The following MAGI2 variants were observed in gnomAD, a reference collection of about 807,000 sequenced individuals.
The protein encoded by MAGI2 is membrane-associated guanylate kinase, WW and PDZ domain-containing protein 2.
In MAGI2, 35 loss-of-function variants were observed where a neutral mutation model predicts 133.3. The ratio of observed to expected loss-of-function variants is 0.26; its 90% CI spans 0.20 to 0.35. MAGI2 has a LOEUF of 0.35. Among genes scored for constraint, MAGI2 ranks in the 10% least tolerant of loss-of-function variants. The probability of loss-of-function intolerance (pLI) is 1.00; values close to 1 mark genes in which losing one functional copy is unlikely to be tolerated. For synonymous variants in MAGI2, 729 were observed against 710.6 expected, an observed-to-expected ratio of 1.03 and a Z score of -0.41; for missense variants, 1,636 against 1,863.4, an observed-to-expected ratio of 0.88 and a Z score of 2.25.
chr7:78,441,409 A>G (rs766231706), intron 6 of MAGI2, among the ~76,000 whole-genome samples: 3 of 152,220 alleles, frequency 2.0e-5, no homozygotes, highest in Non-Finnish European at 4.4e-5. Flanking sequence ...AATTATTAAA[A>G]ACTTTCAATT....
intron 9 of MAGI2, among the ~76,000 whole-genome samples, chr7:78,328,524 CACACA>C (rs1788821912): frequency 9.2e-6 from 1 of 109,176 alleles, no homozygotes; most frequent in Non-Finnish European, 2.1e-5. Context: ...CACACACACA[CACACA>C]CCCCTCTCTC....
intron 5 of MAGI2, among the ~76,000 whole-genome samples, chr7:78,497,766 T>TCTA (rs1385517709): frequency 0.097 from 13,113 of 135,268 alleles, 1,053 homozygotes; most frequent in African/African-American, 0.22. Flanking sequence ...CTATCTATCT[T>TCTA]TCTATCTTAT....
intron 21 of MAGI2, chr7:78,039,603 C>T (rs2471573): frequency 0.59 from 89,359 of 152,094 alleles, 27,472 homozygotes; most frequent in African/African-American, 0.78. Flanking sequence ...TTTCCTTTAC[C>T]CTGAGCAGGT....
intron 1 of MAGI2, among the ~76,000 whole-genome samples, chr7:79,138,459 T>C (rs945788703): frequency 2.6e-5 from 4 of 152,222 alleles, no homozygotes; most frequent in African/African-American, 9.6e-5. Context: ...ATTTATCATG[T>C]ATGAATACAA....
At chr7:78,394,692 C>G (rs911196418) in intron 6 of MAGI2, among the ~76,000 whole-genome samples, 2 of 152,196 alleles carry the variant, frequency 1.3e-5, no homozygotes, top group Non-Finnish European at 2.9e-5. Flanking sequence ...ACTTACAGGG[C>G]AACGGTTAAT....
At chr7:79,341,421 A>T (rs954485199) in intron 1 of MAGI2, among the ~76,000 whole-genome samples, 2 of 152,084 alleles carry the variant, frequency 1.3e-5, no homozygotes, top group Non-Finnish European at 1.5e-5. Flanking sequence ...CAGCACCCTT[A>T]AGCAAGAGGT....
chr7:78,834,227 CT>C (rs2151448771), intron 2 of MAGI2, among the ~76,000 whole-genome samples: 1 of 152,228 alleles, frequency 6.6e-6, no homozygotes, highest in Admixed American at 6.5e-5. Context: ...AAAATTTACC[CT>C]TTTAAAGTGT....
At chr7:78,213,135 T>C (rs957638409) in intron 10 of MAGI2, among the ~76,000 whole-genome samples, 1 of 151,922 alleles carries the variant, frequency 6.6e-6, no homozygotes, top group Admixed American at 6.6e-5. Flanking sequence ...TAAGTGTTAA[T>C]TTGTTTTCAT....
intron 1 of MAGI2, among the ~76,000 whole-genome samples, chr7:79,040,394 G>T (rs1584764535): frequency 6.6e-6 from 1 of 152,062 alleles, no homozygotes; most frequent in East Asian, 1.9e-4. Context: ...TAGGAAAATG[G>T]ACTAATACAT....
At chr7:78,889,242 T>G (rs1303317658) in intron 2 of MAGI2, among the ~76,000 whole-genome samples, 4 of 152,136 alleles carry the variant, frequency 2.6e-5, no homozygotes, top group Non-Finnish European at 5.9e-5. Flanking sequence ...GAAGACCAAA[T>G]CTACGTCTGA....
intron 1 of MAGI2, among the ~76,000 whole-genome samples, chr7:79,077,594 A>AAAAAAAAAAAAG (rs1815634530): frequency 3.7e-5 from 2 of 53,604 alleles, no homozygotes; most frequent in Admixed American, 2.0e-4. Context: ...AAAAAAAAAA[A>AAAAAAAAAAAAG]ATAAATAAAT....
At chr7:79,007,488 G>C (rs1171201205) in intron 1 of MAGI2, among the ~76,000 whole-genome samples, 1 of 151,912 alleles carries the variant, frequency 6.6e-6, no homozygotes, top group Non-Finnish European at 1.5e-5. Context: ...TGTTACTCTT[G>C]AATCATACTG....
At chr7:79,138,745 C>T (rs1468722175) in intron 1 of MAGI2, among the ~76,000 whole-genome samples, 2 of 152,054 alleles carry the variant, frequency 1.3e-5, no homozygotes, top group Non-Finnish European at 2.9e-5. Flanking sequence ...GTGGCTCAAG[C>T]CACCTAACCC....
chr7:78,080,501 G>A (rs368989647), intron 20 of MAGI2, among the ~76,000 whole-genome samples: 19 of 152,286 alleles, frequency 1.2e-4, no homozygotes, highest in African/African-American at 4.1e-4. Flanking sequence ...TAAGCCAGAG[G>A]CAGAAATGGG....
chr7:78,879,966 A>G (rs553328469), intron 2 of MAGI2, among the ~76,000 whole-genome samples: 1 of 152,140 alleles, frequency 6.6e-6, no homozygotes, highest in South Asian at 2.1e-4. Flanking sequence ...AAGCAGAAGA[A>G]AGATTTTCAG....
chr7:78,798,846 A>G (rs1425586917), intron 2 of MAGI2, among the ~76,000 whole-genome samples: 1 of 152,204 alleles, frequency 6.6e-6, no homozygotes, highest in African/African-American at 2.4e-5. Context: ...TACAGTTTGT[A>G]CAAAATCCTC....
intron 2 of MAGI2, among the ~76,000 whole-genome samples, chr7:78,848,648 A>T (rs972605438): frequency 3.3e-5 from 5 of 151,902 alleles, no homozygotes; most frequent in South Asian, 4.2e-4. Flanking sequence ...ATTCAATAAC[A>T]TGTATTTCTC....
chr7:78,895,727 G>T (rs1797163056), intron 2 of MAGI2, among the ~76,000 whole-genome samples: 1 of 152,172 alleles, frequency 6.6e-6, no homozygotes, highest in Non-Finnish European at 1.5e-5. Context: ...TATTCAAAAG[G>T]TTGAGAGAGC....
intron 1 of MAGI2, among the ~76,000 whole-genome samples, chr7:79,019,590 A>T (rs1809083648): frequency 6.6e-6 from 1 of 151,448 alleles, no homozygotes; most frequent in Admixed American, 6.6e-5. Flanking sequence ...TCTGTCACCC[A>T]GGCTGGAGTG....
Sources: allele counts gnomAD v4.1 joint callset (sites outside exome capture counted in the v4.1 genomes callset), GRCh38; gene constraint gnomAD v4.1.1; transcripts MANE v1.5; gene names NCBI Gene and HGNC (gene_info 2026-07-23, HGNC 2026-07-21).